The following LOC122394732 variants were observed in gnomAD, a reference collection of about 807,000 sequenced individuals.
chr9:87,956,662 A>C, the LOC122394732 span: 3 of 394,896 alleles, frequency 7.6e-6, no homozygotes, highest in Non-Finnish European at 1.3e-5. Context: ...AATTGAGGAC[A>C]CAAATGGACT....
chr9:87,956,268 T>G, the LOC122394732 span: 1 of 398,604 alleles, frequency 2.5e-6, no homozygotes, highest in East Asian at 3.6e-5. Context: ...ACAGGTGGCA[T>G]GGGCTTCGTA....
chr9:87,956,555 G>T, the LOC122394732 span: 2 of 398,214 alleles, frequency 5.0e-6, no homozygotes, highest in African/African-American at 2.1e-5. Context: ...AATACAGACA[G>T]AACACACCTG....
chr9:87,956,297 A>G, the LOC122394732 span: 192 of 398,646 alleles, frequency 4.8e-4, 2 homozygotes, highest in East Asian at 5.1e-3. Flanking sequence ...GAGCGCCTTC[A>G]AAGCAGGAGA....
At chr9:87,956,215 G>GCC in the LOC122394732 span, 1 of 398,442 alleles carries the variant, frequency 2.5e-6, no homozygotes. Flanking sequence ...TTTACAGGCA[G>GCC]CCTCACTGTC....
the LOC122394732 span, chr9:87,956,468 A>AC: frequency 2.5e-6 from 1 of 398,572 alleles, no homozygotes; most frequent in Non-Finnish European, 4.4e-6. Context: ...TCACAAGACA[A>AC]CTGGCTATTT....
chr9:87,956,526 G>T, the LOC122394732 span: 1 of 398,456 alleles, frequency 2.5e-6, no homozygotes, highest in South Asian at 1.3e-4. Flanking sequence ...CATAGGGGAC[G>T]AGTTCATCTG....
chr9:87,956,492 T>C, the LOC122394732 span: 1 of 398,596 alleles, frequency 2.5e-6, no homozygotes. Flanking sequence ...TCAAAAGCCA[T>C]TGTGGTGACT....
chr9:87,956,259 C>T, the LOC122394732 span: 1 of 398,614 alleles, frequency 2.5e-6, no homozygotes, highest in Non-Finnish European at 4.4e-6. Flanking sequence ...AGTGTGAACA[C>T]AGGTGGCATG....
the LOC122394732 span, chr9:87,956,233 G>T: frequency 2.5e-6 from 1 of 398,472 alleles, no homozygotes; most frequent in South Asian, 1.3e-4. Flanking sequence ...GTCCTGTCTT[G>T]AACATCCTCC....
the LOC122394732 span, chr9:87,956,448 T>G: frequency 2.5e-6 from 1 of 398,582 alleles, no homozygotes; most frequent in Non-Finnish European, 4.4e-6. Flanking sequence ...AAGAGATTTT[T>G]GGTAAAGCTT....
chr9:87,956,584 T>C, the LOC122394732 span: 1 of 398,030 alleles, frequency 2.5e-6, no homozygotes. Flanking sequence ...TCTGTATCTC[T>C]CTGTGACCCA....
At chr9:87,956,402 C>T in the LOC122394732 span, 1,016 of 398,586 alleles carry the variant, frequency 2.5e-3, 14 homozygotes, top group African/African-American at 0.019. Flanking sequence ...TTTAGACATC[C>T]AGATCAGGGA....
chr9:87,956,816 A>G, the LOC122394732 span: 5 of 219,802 alleles, frequency 2.3e-5, no homozygotes, highest in Non-Finnish European at 4.4e-5. Context: ...TGGAGGCAAG[A>G]ATAAAGCTGA....
chr9:87,956,691 A>G, the LOC122394732 span: 2 of 385,272 alleles, frequency 5.2e-6, no homozygotes, highest in Admixed American at 4.5e-5. Context: ...AATAATAAAC[A>G]AAACCTCCTA....
At chr9:87,956,724 AT>A in the LOC122394732 span, 70 of 351,336 alleles carry the variant, frequency 2.0e-4, no homozygotes, top group Non-Finnish European at 3.3e-4. Context: ...TAATGCGCTG[AT>A]TTTTTTCCCA....
At chr9:87,956,535 T>G in the LOC122394732 span, 1 of 398,458 alleles carries the variant, frequency 2.5e-6, no homozygotes, top group East Asian at 3.6e-5. Flanking sequence ...CGAGTTCATC[T>G]GAAACATCCA....
the LOC122394732 span, chr9:87,956,295 T>A: frequency 2.5e-6 from 1 of 398,488 alleles, no homozygotes; most frequent in Non-Finnish European, 4.4e-6. Flanking sequence ...AAGAGCGCCT[T>A]CAAAGCAGGA....
At chr9:87,956,794 TAC>T in the LOC122394732 span, 1 of 241,286 alleles carries the variant, frequency 4.1e-6, no homozygotes, top group Non-Finnish European at 7.9e-6. Context: ...GTTATTTTCT[TAC>T]AGATTCTCCT....
the LOC122394732 span, chr9:87,956,662 A>G: frequency 5.1e-6 from 2 of 394,778 alleles, no homozygotes; most frequent in African/African-American, 4.1e-5. Flanking sequence ...AATTGAGGAC[A>G]CAAATGGACT....
Sources: gnomAD v4.1 joint callset for allele counts on GRCh38, gnomAD v4.1.1 for gene constraint, MANE v1.5 for transcripts.